The following SEM1 variants were observed in gnomAD, a reference collection of about 807,000 sequenced individuals.
SEM1 encodes 26S proteasome complex subunit SEM1.
In SEM1, 3 loss-of-function variants were observed where a neutral mutation model predicts 12.7. That is an observed-to-expected ratio of 0.24 (90% CI 0.11 to 0.61). SEM1 has a LOEUF of 0.61. SEM1 is among the 20% of genes least tolerant of loss of function. The pLI is 0.88. For synonymous variants in SEM1, 30 were observed against 27.8 expected (o/e 1.08, Z -0.25); for missense variants, 59 against 81.3 (o/e 0.73, Z 1.06).
chr7:96,508,273 T>A (rs886564741), intron 2 of SEM1, among the ~76,000 whole-genome samples: 1 of 152,100 alleles, frequency 6.6e-6, no homozygotes, highest in Non-Finnish European at 1.5e-5. Context: ...AATGTATTTA[T>A]GTATTGCTCA....
intron 1 of SEM1, among the ~76,000 whole-genome samples, chr7:96,705,808 A>C (rs1237391917): frequency 6.6e-6 from 1 of 151,336 alleles, no homozygotes. Flanking sequence ...TGACAGAGCG[A>C]GACTCTGTCT....
chr7:96,485,725 A>G (rs1802727434), intron 2 of SEM1, among the ~76,000 whole-genome samples: 1 of 151,706 alleles, frequency 6.6e-6, no homozygotes, highest in Non-Finnish European at 1.5e-5. Context: ...TATTCTTAAT[A>G]GAGACAGGGT....
chr7:96,694,650 G>A (rs774737961), intron 2 of SEM1, 148 bp downstream of exon 2: 5 of 444,798 alleles, frequency 1.1e-5, no homozygotes, highest in Non-Finnish European at 2.0e-5. Context: ...AATCACAGGA[G>A]ATGAAGACAA....
intron 2 of SEM1, among the ~76,000 whole-genome samples, chr7:96,592,999 TAAA>T (rs1554421689): frequency 6.2e-5 from 8 of 128,050 alleles, no homozygotes; most frequent in Admixed American, 1.6e-4. Flanking sequence ...TCTCCCATAT[TAAA>T]AAAAAAAAAA....
At chr7:96,498,540 G>A (rs973375689), upstream of SEM1, among the ~76,000 whole-genome samples, 1 of 152,122 alleles carries the variant, frequency 6.6e-6, no homozygotes, top group Non-Finnish European at 1.5e-5. Context: ...GATGAATTGA[G>A]GGAAACTTGC....
At chr7:96,485,970 A>G (rs1403013464) in intron 2 of SEM1, among the ~76,000 whole-genome samples, 7 of 152,154 alleles carry the variant, frequency 4.6e-5, no homozygotes, top group Non-Finnish European at 1.0e-4. Flanking sequence ...AGCTTACCAC[A>G]GCCACCAAGG....
At position 96,514,084 on chromosome 7, in the gene SEM1, T is replaced by A. The variant is rs1000860298; in HGVS notation, c.171-7386A>T. 4.6e-5 allele frequency among the ~76,000 whole-genome samples: 7 copies of A among 152,154 alleles called. 1 individual carries two copies. The highest frequency in any genetic ancestry group is 8.8e-5 in the Non-Finnish European group (6 of 68,020). ...AAAGAAAATTTACTATTACAAGCAA[T>A]GTTGCCACAAACATATTTATTCAAA... is the stretch of plus-strand genomic sequence containing the variant. On this transcript the variant is annotated intron_variant and NMD_transcript_variant, in intron 2 of 3. Coordinates refer to the SEM1 transcript ENST00000466986.
chr7:96,618,946 G>A (rs1807801648), downstream of SEM1, among the ~76,000 whole-genome samples: 2 of 151,992 alleles, frequency 1.3e-5, no homozygotes, highest in South Asian at 2.1e-4. Flanking sequence ...GAAAGACCGT[G>A]TCTTAAAAAA....
chr7:96,517,634 C>T (rs1804137800), intron 2 of SEM1, among the ~76,000 whole-genome samples: 1 of 152,038 alleles, frequency 6.6e-6, no homozygotes, highest in Non-Finnish European at 1.5e-5. Flanking sequence ...ACATACTTTG[C>T]TGTTCCCTGA....
intron 2 of SEM1, among the ~76,000 whole-genome samples, chr7:96,553,835 T>C (rs193261958): frequency 0.033 from 5,096 of 152,310 alleles, 122 homozygotes; most frequent in Non-Finnish European, 0.053. Context: ...GAGCATGGAA[T>C]GTTCTTCCAC....
At chr7:96,521,111 T>C (rs1324944397) in intron 2 of SEM1, among the ~76,000 whole-genome samples, 1 of 152,038 alleles carries the variant, frequency 6.6e-6, no homozygotes, top group Non-Finnish European at 1.5e-5. Flanking sequence ...TCACAGAGCA[T>C]CTCTATGATT....
rs147390494 is a variant in SEM1 at position 96,693,378 on chromosome 7, T to C, written c.170+1420A>G. Among the ~76,000 whole-genome samples the C allele has an allele frequency of 7.3e-3, 1,113 of 152,114 alleles. 5 individuals are homozygous for C. Among genetic ancestry groups the C allele is most frequent in the Non-Finnish European group, 9.8e-3 (669 of 67,922 alleles). On this transcript the variant is annotated intron_variant, in intron 2 of 2. Coordinates refer to ENST00000248566, the MANE Select transcript of SEM1 (RefSeq NM_006304.2). ...TGGTGCTGGAAAGACTAGACATCTA[T>C]ATGCAGAAGAATGAGCTGAAGCCCT...
At chr7:96,504,221 T>A (rs1208867489) in intron 3 of SEM1, among the ~76,000 whole-genome samples, 1 of 152,130 alleles carries the variant, frequency 6.6e-6, no homozygotes, top group Non-Finnish European at 1.5e-5. Flanking sequence ...GTACAGTTTC[T>A]GGAATTTATT....
chr7:96,647,162 G>A (rs146043818), intron 2 of SEM1, among the ~76,000 whole-genome samples: 182 of 152,170 alleles, frequency 1.2e-3, no homozygotes, highest in African/African-American at 4.0e-3. Flanking sequence ...TGAACTAAAC[G>A]GTATTCTACT....
At chr7:96,668,182 G>A (rs1403443304) in intron 2 of SEM1, among the ~76,000 whole-genome samples, 1 of 152,176 alleles carries the variant, frequency 6.6e-6, no homozygotes, top group Non-Finnish European at 1.5e-5. Context: ...CATAGTAGGT[G>A]TATATCATAT....
downstream of SEM1, among the ~76,000 whole-genome samples, chr7:96,619,284 T>C (rs918282005): frequency 3.3e-5 from 5 of 152,210 alleles, no homozygotes; most frequent in African/African-American, 9.6e-5. Flanking sequence ...TGTATGTATT[T>C]TGTTGATTAA....
intron 2 of SEM1, among the ~76,000 whole-genome samples, chr7:96,512,027 A>T (rs947557974): frequency 6.6e-6 from 1 of 152,058 alleles, no homozygotes; most frequent in Non-Finnish European, 1.5e-5. Flanking sequence ...CTGGGAGGAC[A>T]TCTTAATTAG....
At chr7:96,526,895 C>G (rs1804482009) in intron 2 of SEM1, among the ~76,000 whole-genome samples, 1 of 151,954 alleles carries the variant, frequency 6.6e-6, no homozygotes. Context: ...TGATTTTGTC[C>G]CTTACTCTAA....
chr7:96,599,583 G>T (rs188941439), intron 2 of SEM1, among the ~76,000 whole-genome samples: 50 of 152,202 alleles, frequency 3.3e-4, no homozygotes, highest in African/African-American at 1.2e-3. Flanking sequence ...TATAAGTATT[G>T]TAAGTATTAA....
Sources: allele counts gnomAD v4.1 joint callset (sites outside exome capture counted in the v4.1 genomes callset), GRCh38; gene constraint gnomAD v4.1.1; transcripts MANE v1.5; gene names NCBI Gene and HGNC (gene_info 2026-07-23, HGNC 2026-07-21).